Variants in PPP2R5A observed in about 807,000 individuals in gnomAD.
PPP2R5A encodes the protein protein phosphatase 2 regulatory subunit B'alpha.
Under a neutral mutation model 64.2 loss-of-function variants are expected in PPP2R5A, and 25 were observed. The ratio of observed to expected loss-of-function variants is 0.39; its 90% CI spans 0.28 to 0.54. The LOEUF is 0.54. Among genes scored for constraint, PPP2R5A ranks in the 20% least tolerant of loss-of-function variants. The pLI is 0.67. For synonymous variants in PPP2R5A, 198 were observed against 201.2 expected, an observed-to-expected ratio of 0.98 and a Z score of 0.13; for missense variants, 425 against 576.3, an observed-to-expected ratio of 0.74 and a Z score of 2.69.
At chr1:212,316,401 C>A (rs1376245394) in intron 1 of PPP2R5A, among the ~76,000 whole-genome samples, 4 of 152,238 alleles carry the variant, frequency 2.6e-5, no homozygotes, top group African/African-American at 9.6e-5. Context: ...CATAACATTT[C>A]CTTAAGCCAA....
chr1:212,314,249 C>T (rs193225781), intron 1 of PPP2R5A, among the ~76,000 whole-genome samples: 276 of 149,954 alleles, frequency 1.8e-3, no homozygotes, highest in African/African-American at 6.7e-3. Flanking sequence ...ATTTAGCCTT[C>T]TCAGAATTCC....
At chr1:212,327,437 T>C (rs552114154) in intron 1 of PPP2R5A, among the ~76,000 whole-genome samples, 2 of 152,298 alleles carry the variant, frequency 1.3e-5, no homozygotes, top group South Asian at 4.1e-4. Flanking sequence ...AAATCGAGAC[T>C]TGAGTCTCAC....
intron 1 of PPP2R5A, among the ~76,000 whole-genome samples, chr1:212,294,320 C>T (rs1018270049): frequency 1.3e-5 from 2 of 152,032 alleles, no homozygotes; most frequent in Admixed American, 6.6e-5. Flanking sequence ...TGTTATAACT[C>T]CTGAATTTTA....
intron 8 of PPP2R5A, among the ~76,000 whole-genome samples, chr1:212,354,734 G>C (rs1659948706): frequency 1.3e-5 from 2 of 151,584 alleles, no homozygotes; most frequent in Non-Finnish European, 2.9e-5. Context: ...TTGAGAGAGA[G>C]AGAGAGAGAG....
In PPP2R5A at chr1:212,314,148, G is replaced by C. The variant is rs1340056490; in HGVS notation, c.182-14987G>C. On this transcript the variant is annotated intron_variant, in intron 1 of 12. Transcript: ENST00000261461. ...AGTTACCATATTATGAGGGAGCTCA[G>C]ACCGCATGGAGAGGCTATATGTTGG... 5.3e-5 allele frequency among the ~76,000 whole-genome samples: 8 copies of C among 152,254 alleles called. No homozygotes were observed. The East Asian group carries it at 1.5e-3, about 29-fold the overall frequency.
At chr1:212,337,969 TC>T (rs758292542) in intron 3 of PPP2R5A, among the ~76,000 whole-genome samples, 12 of 152,204 alleles carry the variant, frequency 7.9e-5, no homozygotes, top group Non-Finnish European at 1.5e-4. Context: ...TATTTACGTT[TC>T]CTCTTAATAG....
chr1:212,342,903 A>C (rs2252044), intron 4 of PPP2R5A, among the ~76,000 whole-genome samples: 45,870 of 151,784 alleles, frequency 0.3, 7,433 homozygotes, highest in Non-Finnish European at 0.37. Context: ...ACATATTCAC[A>C]ATTTCTAAGA....
At chr1:212,300,806 A>G (rs1019465011) in intron 1 of PPP2R5A, among the ~76,000 whole-genome samples, 1 of 152,164 alleles carries the variant, frequency 6.6e-6, no homozygotes, top group African/African-American at 2.4e-5. Context: ...TAAGAGTACT[A>G]ATATTTAATT....
At chr1:212,333,713 TATTAAC>T (rs1659546437) in intron 3 of PPP2R5A, 115 bp downstream of exon 3, 2 of 531,448 alleles carry the variant, frequency 3.8e-6, no homozygotes, top group Admixed American at 4.0e-5. Context: ...TTTATGGTTT[TATTAAC>T]ATTATCTTCT....
At chr1:212,331,334 CAT>C (rs1491298811) in intron 2 of PPP2R5A, 1 of 140,864 alleles carries the variant, frequency 7.1e-6, no homozygotes, top group Admixed American at 7.1e-5. Flanking sequence ...TTAATTTTTT[CAT>C]TTTTTTTTTT....
chr1:212,307,376 T>G (rs1658938134), intron 1 of PPP2R5A, among the ~76,000 whole-genome samples: 1 of 152,146 alleles, frequency 6.6e-6, no homozygotes, highest in Non-Finnish European at 1.5e-5. Context: ...TATTCCTATA[T>G]GCCTCTGTTT....
At chr1:212,286,401 T>C (rs1658500835) in intron 1 of PPP2R5A, 110 bp downstream of exon 1, 2 of 1,236,720 alleles carry the variant, frequency 1.6e-6, no homozygotes, top group Non-Finnish European at 2.1e-6. Context: ...TTGGGACTGG[T>C]AGTGTGTGAG....
chr1:212,345,762 C>T (rs775639515), intron 4 of PPP2R5A, 41 bp from the exon 5 acceptor site: 8 of 1,563,074 alleles, frequency 5.1e-6, no homozygotes, highest in Non-Finnish European at 5.2e-6. Context: ...AGCTTTAGCT[C>T]GATTATTTTT....
chr1:212,357,174 G>C lies in PPP2R5A; in HGVS notation c.1116G>C (p.Leu372Phe), dbSNP rs1278787806. The change falls in exon 11 of 13, where the codon TTG (leucine) becomes TTC (phenylalanine). Residue 372 changes from leucine to phenylalanine, a missense_variant. Transcript: ENST00000261461. ...SSHFQVAERA[L>F]YFWNNEYILS... ...TTTTTTAGGTTGCAGAAAGGGCATT[G>C]TACTTCTGGAATAACGAATATATTC... is the stretch of plus-strand genomic sequence containing the variant. 1 of 1,587,168 alleles carries C rather than the reference G, an allele frequency of 6.3e-7. No homozygotes were observed. The highest frequency in any genetic ancestry group is 2.2e-5 in the East Asian group (1 of 44,494).
chr1:212,330,798 G>A (rs985058162), intron 2 of PPP2R5A, among the ~76,000 whole-genome samples: 5 of 152,046 alleles, frequency 3.3e-5, no homozygotes, highest in African/African-American at 1.2e-4. Flanking sequence ...AAAGGAATTA[G>A]GAAATTTTTG....
intron 1 of PPP2R5A, among the ~76,000 whole-genome samples, chr1:212,322,142 A>G (rs1659311238): frequency 6.7e-6 from 1 of 150,244 alleles, no homozygotes; most frequent in Admixed American, 6.6e-5. Flanking sequence ...GCAGCAGTAC[A>G]GTCCAGCTTT....
At chr1:212,326,343 C>T (rs1393868566) in intron 1 of PPP2R5A, among the ~76,000 whole-genome samples, 1 of 151,742 alleles carries the variant, frequency 6.6e-6, no homozygotes, top group Non-Finnish European at 1.5e-5. Context: ...CCTGTAATCC[C>T]AGCACTTTGG....
intron 1 of PPP2R5A, among the ~76,000 whole-genome samples, chr1:212,293,273 T>G (rs141836716): frequency 6.6e-6 from 1 of 152,328 alleles, no homozygotes; most frequent in Non-Finnish European, 1.5e-5. Flanking sequence ...TGTATAAGAT[T>G]TGTGAGGAAA....
Position 212,361,559 on chromosome 1 carries a change from AGTCCC to A in PPP2R5A, c.*790_*794del, listed in dbSNP as rs1356422091. The A allele has an allele frequency of 2.0e-5, 3 of 152,684 alleles. No homozygotes were observed. The highest frequency in any genetic ancestry group is 7.2e-5 in the African/African-American group (3 of 41,464). The allele number at this position is 152,684 out of a possible 1,614,324, so 9.5% of individuals were successfully genotyped here. A position where few individuals can be genotyped will look rare whatever the true frequency, so the allele number is the denominator to read the frequency against. ...AGTCCTCACAACCTGTCCTTCACCT[AGTCCC>A]TCCTGACCCAGGGATGGAGGCTTTG... On this transcript the variant is annotated 3_prime_UTR_variant, in exon 13 of 13. Coordinates refer to ENST00000261461, the MANE Select transcript of PPP2R5A (RefSeq NM_006243.4).
Sources: allele counts gnomAD v4.1 joint callset (sites outside exome capture counted in the v4.1 genomes callset), GRCh38; gene constraint gnomAD v4.1.1; transcripts MANE v1.5; gene names NCBI Gene and HGNC (gene_info 2026-07-23, HGNC 2026-07-21).